Variants in DPP10 observed in about 807,000 individuals in gnomAD.
The protein encoded by DPP10 is inactive dipeptidyl peptidase 10.
DPP10 carries 33 observed loss-of-function variants against 120.9 expected under a neutral mutation model. That is an observed-to-expected ratio of 0.27 (90% confidence interval 0.21 to 0.37). The LOEUF (loss-of-function observed/expected upper bound fraction) is 0.37. Ranked by LOEUF, DPP10 falls within the 10% of genes least tolerant of loss-of-function variation. The pLI, the probability that DPP10 is intolerant of heterozygous loss-of-function variation, is 1.00. For missense variants in DPP10, 816 were observed against 942.8 expected, an observed-to-expected ratio of 0.87 and a Z score of 1.76; for synonymous variants, 337 against 326.1, an observed-to-expected ratio of 1.03 and a Z score of -0.36.
chr2:115,559,560 A>G (rs1401751503), intron 5 of DPP10, among the ~76,000 whole-genome samples: 2 of 152,138 alleles, frequency 1.3e-5, no homozygotes, highest in Non-Finnish European at 2.9e-5. Context: ...AATCTAGGAT[A>G]ATATTAATAA....
chr2:115,640,994 T>C (rs1307968991), intron 5 of DPP10, among the ~76,000 whole-genome samples: 1 of 152,176 alleles, frequency 6.6e-6, no homozygotes, highest in Non-Finnish European at 1.5e-5. Context: ...ACTAATAAGA[T>C]AGGAACTGGA....
chr2:114,894,014 A>G (rs1692765037), intron 1 of DPP10, among the ~76,000 whole-genome samples: 1 of 151,990 alleles, frequency 6.6e-6, no homozygotes, highest in South Asian at 2.1e-4. Context: ...TCTCTCTGCT[A>G]TTATCTATGC....
chr2:115,777,865 GA>G, intron 15 of DPP10, 31 bp downstream of exon 15: 1 of 1,600,406 alleles, frequency 6.2e-7, no homozygotes, highest in Non-Finnish European at 8.5e-7. Flanking sequence ...TCCTTACACA[GA>G]TTGGCTTCTC....
intron 1 of DPP10, among the ~76,000 whole-genome samples, chr2:115,014,973 A>T (rs185218000): frequency 6.6e-6 from 1 of 152,284 alleles, no homozygotes; most frequent in African/African-American, 2.4e-5. Context: ...TCAATAGAAA[A>T]AGAGGGAATC....
intron 1 of DPP10, among the ~76,000 whole-genome samples, chr2:114,662,313 CACGCGGGCCTCCCTGCGGGG>C (rs1414372301): frequency 6.6e-6 from 1 of 152,212 alleles, no homozygotes; most frequent in Non-Finnish European, 1.5e-5. Flanking sequence ...ATCTCCTCGG[CACGCGGGCCTCCCTGCGGGG>C]GCGCGGGCAC....
intron 1 of DPP10, among the ~76,000 whole-genome samples, chr2:115,295,818 C>T (rs746133735): frequency 1.3e-5 from 2 of 151,940 alleles, no homozygotes; most frequent in Non-Finnish European, 2.9e-5. Flanking sequence ...TTCTCCTGCA[C>T]TCAAGGAATC....
chr2:115,042,008 C>CTTTTTTTTTTTTTT (rs5833573), intron 1 of DPP10, among the ~76,000 whole-genome samples: 3 of 80,336 alleles, frequency 3.7e-5, no homozygotes, highest in Non-Finnish European at 7.1e-5. Flanking sequence ...TCTATCTTAT[C>CTTTTTTTTTTTTTT]TTTTTTTTTT....
chr2:114,727,458 A>G (rs995663688), intron 1 of DPP10, among the ~76,000 whole-genome samples: 3 of 152,220 alleles, frequency 2.0e-5, no homozygotes, highest in African/African-American at 4.8e-5. Context: ...TGTATGATCC[A>G]GCAGGTTGTT....
intron 1 of DPP10, among the ~76,000 whole-genome samples, chr2:114,680,497 A>G (rs977518456): frequency 1.3e-5 from 2 of 151,930 alleles, no homozygotes; most frequent in African/African-American, 4.8e-5. Context: ...CCTACTTTTT[A>G]AGAATTCAGT....
intron 16 of DPP10, among the ~76,000 whole-genome samples, 158 bp from the exon 17 acceptor site, chr2:115,782,194 T>G (rs1682846336): frequency 6.6e-6 from 1 of 152,054 alleles, no homozygotes; most frequent in South Asian, 2.1e-4. Flanking sequence ...ATAAAACGCT[T>G]ATAAATAGGA....
intron 5 of DPP10, among the ~76,000 whole-genome samples, chr2:115,561,165 A>C (rs1443659162): frequency 6.6e-6 from 1 of 152,052 alleles, no homozygotes; most frequent in African/African-American, 2.4e-5. Context: ...CCTGGGCAAC[A>C]CAGTGAAACC....
At chr2:115,599,943 G>A (rs927985194) in intron 5 of DPP10, among the ~76,000 whole-genome samples, 2 of 151,976 alleles carry the variant, frequency 1.3e-5, no homozygotes, top group South Asian at 2.1e-4. Flanking sequence ...GGTCAACCAG[G>A]AACTTACCTT....
intron 1 of DPP10, among the ~76,000 whole-genome samples, chr2:114,698,014 A>C (rs1700169305): frequency 6.6e-6 from 1 of 152,086 alleles, no homozygotes; most frequent in Admixed American, 6.6e-5. Context: ...AGAGATGTAT[A>C]AAAGAAATGT....
intron 5 of DPP10, among the ~76,000 whole-genome samples, chr2:115,676,960 A>G (rs947879979): frequency 4.6e-5 from 7 of 152,208 alleles, no homozygotes; most frequent in Non-Finnish European, 1.0e-4. Flanking sequence ...CTATGAGGAA[A>G]TGTCAATCAG....
chr2:115,297,328 C>T, intron 1 of DPP10: 2 of 347,930 alleles, frequency 5.7e-6, no homozygotes, highest in Non-Finnish European at 1.2e-5. Context: ...CCCAGGTGGG[C>T]AGACCAGGCT....
intron 19 of DPP10, among the ~76,000 whole-genome samples, chr2:115,803,683 C>T (rs1386774854): frequency 6.6e-6 from 1 of 152,074 alleles, no homozygotes; most frequent in Admixed American, 6.5e-5. Flanking sequence ...TTCTCCTTCA[C>T]GTATGAAGCT....
chr2:114,709,960 C>T (rs1558659805), intron 1 of DPP10, among the ~76,000 whole-genome samples: 1 of 152,188 alleles, frequency 6.6e-6, no homozygotes, highest in Non-Finnish European at 1.5e-5. Context: ...GCAAACTATG[C>T]TATGGTCTTT....
intron 5 of DPP10, among the ~76,000 whole-genome samples, chr2:115,547,765 C>CAA (rs566808076): frequency 1.0e-3 from 74 of 71,850 alleles, no homozygotes; most frequent in African/African-American, 3.3e-3. Context: ...ATCCTATCTC[C>CAA]AAAAAAAAAA....
chr2:114,600,685 A>C (rs555709846), intron 1 of DPP10, among the ~76,000 whole-genome samples: 1 of 151,890 alleles, frequency 6.6e-6, no homozygotes, highest in Non-Finnish European at 1.5e-5. Flanking sequence ...TTAGTGTTTA[A>C]TGTCCCAGTA....
Sources: allele counts gnomAD v4.1 joint callset (sites outside exome capture counted in the v4.1 genomes callset), GRCh38; gene constraint gnomAD v4.1.1; transcripts MANE v1.5; gene names NCBI Gene and HGNC (gene_info 2026-07-23, HGNC 2026-07-21).